Variants in HTT observed in about 807,000 individuals in gnomAD.
The protein encoded by HTT is huntington disease protein.
In HTT, 104 loss-of-function variants were observed where a neutral mutation model predicts 362.3. The observed-to-expected ratio is 0.29, with a 90% CI of 0.24 to 0.34. The LOEUF is 0.34. Ranked by LOEUF, HTT falls within the 10% of genes least tolerant of loss-of-function variation. HTT has a pLI of 1.00. For synonymous variants in HTT, 1,577 were observed against 1,548.7 expected (o/e 1.02, Z -0.43); for missense variants, 3,301 against 3,928.6 (o/e 0.84, Z 4.27).
intron 2 of HTT, among the ~76,000 whole-genome samples, chr4:3,088,183 CTT>C (rs1304889326): frequency 7.3e-6 from 1 of 137,542 alleles, no homozygotes; most frequent in African/African-American, 2.7e-5. Flanking sequence ...TTGCTTTTCA[CTT>C]TTGTTTTTTT....
At chr4:3,231,940 T>TAAA in intron 60 of HTT, among the ~76,000 whole-genome samples, 1 of 152,322 alleles carries the variant, frequency 6.6e-6, no homozygotes, top group South Asian at 2.1e-4. Context: ...CCCAGCTCTT[T>TAAA]GTGCACTCAT....
rs537236435 is a variant in HTT, at chr4:3,187,588, A to G, written c.4990-63A>G. 6 of 1,204,376 alleles carry G rather than the reference A, an allele frequency of 5.0e-6. No individual in the cohort carries two copies. In the South Asian group the frequency reaches 5.2e-5, roughly 10 times the overall value. The allele number at this position is 1,204,376 out of a possible 1,614,324, so 74.6% of individuals were successfully genotyped here. The stretch of plus-strand genomic sequence containing the variant: ...GTTATTTTCTTTCACAAAATTGGCA[A>G]TTGGGGGAAATTTAATCTTCCTTTT... On this transcript the variant is annotated intron_variant, in intron 38 of 66. Coordinates refer to ENST00000355072, the MANE Select transcript of HTT (RefSeq NM_001388492.1).
chr4:3,159,804 A>G (rs542065043), intron 28 of HTT, among the ~76,000 whole-genome samples: 24 of 152,236 alleles, frequency 1.6e-4, no homozygotes, highest in Non-Finnish European at 2.8e-4. Context: ...ATTTAATTAC[A>G]TGAAATCCTT....
intron 49 of HTT, 34 bp downstream of exon 49, chr4:3,212,743 G>T (rs1398871238): frequency 6.2e-7 from 1 of 1,612,680 alleles, no homozygotes; most frequent in South Asian, 1.1e-5. Context: ...GTGTTGCTGT[G>T]GGGAGGGGGC....
intron 26 of HTT, among the ~76,000 whole-genome samples, chr4:3,150,779 G>A (rs145292658): frequency 6.6e-6 from 1 of 152,326 alleles, no homozygotes; most frequent in East Asian, 1.9e-4. Context: ...GCTCACGCCT[G>A]TAATTCCAGA....
At chr4:3,229,039 C>T in intron 59 of HTT, 30 bp downstream of exon 59, 1 of 1,599,830 alleles carries the variant, frequency 6.3e-7, no homozygotes, top group South Asian at 1.1e-5. Flanking sequence ...CCCCTCACAC[C>T]TGCACGTGCC....
chr4:3,101,719 C>T (rs116260986), intron 3 of HTT, among the ~76,000 whole-genome samples: 3,377 of 152,258 alleles, frequency 0.022, 104 homozygotes, highest in African/African-American at 0.073. Context: ...CAGCATGCCT[C>T]CCTCAGGTAG....
At chr4:3,075,776 G>GT (rs1712509024) in intron 1 of HTT, among the ~76,000 whole-genome samples, 2 of 152,154 alleles carry the variant, frequency 1.3e-5, no homozygotes, top group Non-Finnish European at 2.9e-5. Flanking sequence ...GATCACGGTG[G>GT]TAGTAACACG....
At chr4:3,099,415 G>A (rs2110155381) in intron 3 of HTT, 21 bp downstream of exon 3, 1 of 1,613,578 alleles carries the variant, frequency 6.2e-7, no homozygotes, top group South Asian at 1.1e-5. Flanking sequence ...TGTGGATGAT[G>A]TTCTCCTCAG....
At chr4:3,161,535 C>T (rs1187607604) in intron 29 of HTT, among the ~76,000 whole-genome samples, 2 of 152,190 alleles carry the variant, frequency 1.3e-5, no homozygotes, top group Admixed American at 6.5e-5. Context: ...TACACTCCCA[C>T]CAACAGTGTA....
rs752055102 is a variant in HTT, at chr4:3,192,859, G to A, written c.5368+3766G>A. Among the ~76,000 whole-genome samples, 3 of 152,310 alleles carry A rather than the reference G, an allele frequency of 2.0e-5. 1 individual carries two copies. The highest frequency in any genetic ancestry group is 4.8e-5 in the African/African-American group (2 of 41,564). On this transcript the variant is annotated intron_variant, in intron 40 of 66. Transcript: ENST00000355072. ...TGGTCCATTTGAGGATACTCTTGGC[G>A]TGGCCCGCCTCCATGCTAGCAGGCT... is the stretch of plus-strand genomic sequence containing the variant.
intron 21 of HTT, among the ~76,000 whole-genome samples, 165 bp downstream of exon 21, chr4:3,136,491 A>G (rs181977596): frequency 6.6e-6 from 1 of 152,208 alleles, no homozygotes; most frequent in Non-Finnish European, 1.5e-5. Flanking sequence ...AATCCAAAAA[A>G]GTCTAAAATT....
At chr4:3,211,012 C>G (rs577223605) in intron 47 of HTT, among the ~76,000 whole-genome samples, 1 of 149,564 alleles carries the variant, frequency 6.7e-6, no homozygotes, top group East Asian at 2.0e-4. Context: ...ATACGATTCT[C>G]CTGCCTCAGC....
At chr4:3,098,093 A>G (rs1713954755) in intron 2 of HTT, among the ~76,000 whole-genome samples, 1 of 152,266 alleles carries the variant, frequency 6.6e-6, no homozygotes, top group Non-Finnish European at 1.5e-5. Context: ...GCTAGGAAAT[A>G]TAAAAGTGTA....
chr4:3,158,606 A>G (rs1219031557), intron 28 of HTT, among the ~76,000 whole-genome samples: 1 of 152,076 alleles, frequency 6.6e-6, no homozygotes, highest in African/African-American at 2.4e-5. Flanking sequence ...ATCCTCAGGT[A>G]TTCCTCTGTT....
rs1039667981 is a variant in HTT, at chr4:3,102,835, G to A, written c.469-989G>A. Among the ~76,000 whole-genome samples, 7 of 152,158 alleles carry A rather than the reference G, an allele frequency of 4.6e-5. No homozygotes were observed. In the East Asian group the frequency reaches 9.6e-4, roughly 21 times the overall value. On this transcript the variant is annotated intron_variant, in intron 3 of 66. Transcript: ENST00000355072. ...ATGTGGACTTTGTGCCGTTAGCATC[G>A]TTACTAGCTTGAAGTTGACCATCTG... is the stretch of plus-strand genomic sequence containing the variant.
At chr4:3,084,791 A>G (rs895726342) in intron 1 of HTT, among the ~76,000 whole-genome samples, 3 of 152,024 alleles carry the variant, frequency 2.0e-5, no homozygotes, top group Non-Finnish European at 4.4e-5. Flanking sequence ...AGATGGGCAG[A>G]TCACGAGGTC....
chr4:3,150,236 A>T (rs750055258), intron 26 of HTT, among the ~76,000 whole-genome samples: 43 of 152,206 alleles, frequency 2.8e-4, no homozygotes, highest in Non-Finnish European at 2.5e-4. Context: ...TAGCCACTAA[A>T]CACATATAGC....
intron 40 of HTT, among the ~76,000 whole-genome samples, chr4:3,193,645 A>G (rs1272393528): frequency 6.6e-6 from 1 of 152,274 alleles, no homozygotes. Flanking sequence ...GACTTCCAGC[A>G]GAGACAGGAT....
Sources: allele counts gnomAD v4.1 joint callset (sites outside exome capture counted in the v4.1 genomes callset), GRCh38; gene constraint gnomAD v4.1.1; transcripts MANE v1.5; gene names NCBI Gene and HGNC (gene_info 2026-07-23, HGNC 2026-07-21).